The following LMCD1 variants were observed in gnomAD, a reference collection of about 807,000 sequenced individuals.
LMCD1 encodes LIM and cysteine-rich domains protein 1.
LMCD1 carries 32 observed loss-of-function variants against 42.7 expected under a neutral mutation model. That is an observed-to-expected ratio of 0.75 (90% CI 0.57 to 1.01). The LOEUF (loss-of-function observed/expected upper bound fraction) is 1.01. LMCD1 is among the 50% of genes least tolerant of loss of function. The pLI, the probability that LMCD1 is intolerant of heterozygous loss-of-function variation, is 0.00. For missense variants in LMCD1, 458 were observed against 483.1 expected (o/e 0.95, Z 0.49); for synonymous variants, 178 against 184.9 (o/e 0.96, Z 0.30).
At chr3:8,519,748 A>G (rs1424842984) in intron 1 of LMCD1, among the ~76,000 whole-genome samples, 2 of 151,510 alleles carry the variant, frequency 1.3e-5, no homozygotes, top group African/African-American at 4.9e-5. Context: ...TAGCAAAAAA[A>G]AAAAAAGAAA....
chr3:8,524,978 C>T (rs898296585), intron 1 of LMCD1, among the ~76,000 whole-genome samples: 1 of 152,092 alleles, frequency 6.6e-6, no homozygotes, highest in Non-Finnish European at 1.5e-5. Flanking sequence ...GGCCACCGAG[C>T]CTAGCCCAAA....
rs768387058 is a variant in LMCD1 at position 8,568,307 on chromosome 3, A to G, written c.*709A>G. 1.3e-4 allele frequency: 20 copies of G among 152,184 alleles called. No individual in the cohort carries two copies. Among genetic ancestry groups the G allele is most frequent in the Admixed American group, 8.5e-4 (13 of 15,278 alleles). 9.4% of individuals were successfully genotyped at this position (152,184 alleles called of 1,614,324 possible). ...TATTCCAGATACTCCCAGATCACTA[A>G]TGTAACAAAGGTATCATGTTTTATG... On this transcript the variant is annotated 3_prime_UTR_variant, in exon 6 of 6. Coordinates refer to ENST00000157600, the MANE Select transcript of LMCD1 (RefSeq NM_014583.4).
intron 1 of LMCD1, among the ~76,000 whole-genome samples, chr3:8,509,439 A>G (rs1693951424): frequency 6.6e-6 from 1 of 152,080 alleles, no homozygotes; most frequent in Admixed American, 6.5e-5. Flanking sequence ...CTTTCCCTCC[A>G]ATGTCTTGCT....
intron 2 of LMCD1, among the ~76,000 whole-genome samples, chr3:8,534,311 T>C (rs1694472152): frequency 6.6e-6 from 1 of 152,112 alleles, no homozygotes; most frequent in Non-Finnish European, 1.5e-5. Context: ...TTTTTTCTGG[T>C]TTTCCAGTTG....
intron 1 of LMCD1, among the ~76,000 whole-genome samples, chr3:8,521,715 T>A (rs73130041): frequency 0.046 from 7,059 of 152,274 alleles, 290 homozygotes; most frequent in African/African-American, 0.1. Flanking sequence ...GGGCAGATAG[T>A]CTCCTATCTT....
At chr3:8,539,251 G>A (rs1342558501) in intron 3 of LMCD1, among the ~76,000 whole-genome samples, 1 of 152,168 alleles carries the variant, frequency 6.6e-6, no homozygotes, top group Non-Finnish European at 1.5e-5. Flanking sequence ...AAAATGAAAA[G>A]AGACTAAGAT....
At chr3:8,532,264 A>G (rs1325430544) in intron 1 of LMCD1, among the ~76,000 whole-genome samples, 1 of 152,250 alleles carries the variant, frequency 6.6e-6, no homozygotes, top group Non-Finnish European at 1.5e-5. Context: ...GCTTCAAGCT[A>G]TAAACATTTG....
chr3:8,520,319 A>G (rs1169444213), intron 1 of LMCD1, among the ~76,000 whole-genome samples: 1 of 152,168 alleles, frequency 6.6e-6, no homozygotes, highest in Non-Finnish European at 1.5e-5. Flanking sequence ...AAAACTAGGG[A>G]GGTATAATAA....
chr3:8,536,566 C>T (rs184292184), intron 2 of LMCD1, among the ~76,000 whole-genome samples: 7 of 152,302 alleles, frequency 4.6e-5, no homozygotes, highest in Admixed American at 1.3e-4. Context: ...TGCATTCTAA[C>T]GGCAGTATTT....
intron 1 of LMCD1, among the ~76,000 whole-genome samples, chr3:8,526,409 A>T (rs1465429427): frequency 6.6e-6 from 1 of 152,168 alleles, no homozygotes; most frequent in Non-Finnish European, 1.5e-5. Context: ...ACTTAACTAG[A>T]GATACTGGAT....
intron 4 of LMCD1, 112 bp downstream of exon 4, chr3:8,549,015 T>C (rs916751142): frequency 2.5e-6 from 2 of 792,176 alleles, no homozygotes; most frequent in African/African-American, 3.5e-5. Context: ...ATTCATGAAT[T>C]TGTGCATTCA....
At chr3:8,505,917 T>C (rs3774223) in intron 1 of LMCD1, among the ~76,000 whole-genome samples, 61,428 of 152,160 alleles carry the variant, frequency 0.4, 13,240 homozygotes, top group Non-Finnish European at 0.49. Flanking sequence ...GCTCTCTCAA[T>C]CTTAAAAACA....
At chr3:8,541,316 G>A (rs960882970) in intron 3 of LMCD1, among the ~76,000 whole-genome samples, 6 of 152,266 alleles carry the variant, frequency 3.9e-5, no homozygotes, top group South Asian at 2.1e-4. Context: ...TTGGGAAGCC[G>A]AGGCAGGTGG....
intron 1 of LMCD1, among the ~76,000 whole-genome samples, chr3:8,502,258 G>GTATATAAAATATA (rs1254997677): frequency 2.0e-5 from 1 of 50,054 alleles, no homozygotes; most frequent in Admixed American, 3.1e-4. Flanking sequence ...TATATAAAAT[G>GTATATAAAATATA]TATATAAAAT....
At chr3:8,503,208 A>AG (rs1270203661) in intron 1 of LMCD1, among the ~76,000 whole-genome samples, 1 of 152,160 alleles carries the variant, frequency 6.6e-6, no homozygotes, top group Non-Finnish European at 1.5e-5. Flanking sequence ...GTAGAATGAG[A>AG]GGGGGAAAAA....
At chr3:8,516,666 A>G (rs527697966) in intron 1 of LMCD1, among the ~76,000 whole-genome samples, 1 of 152,354 alleles carries the variant, frequency 6.6e-6, no homozygotes, top group African/African-American at 2.4e-5. Context: ...CATGTTGACC[A>G]CAACACTCTT....
chr3:8,525,611 G>T (rs1694284594), intron 1 of LMCD1, among the ~76,000 whole-genome samples: 1 of 152,184 alleles, frequency 6.6e-6, no homozygotes, highest in East Asian at 1.9e-4. Flanking sequence ...TTGTATGGAA[G>T]TTCTACTTTT....
chr3:8,513,036 T>G (rs1025570350), intron 1 of LMCD1, among the ~76,000 whole-genome samples: 8 of 152,198 alleles, frequency 5.3e-5, no homozygotes, highest in Non-Finnish European at 1.2e-4. Flanking sequence ...TGAGGAACAC[T>G]CACACCTCCT....
At chr3:8,516,793 T>C (rs1272400127) in intron 1 of LMCD1, among the ~76,000 whole-genome samples, 1 of 152,170 alleles carries the variant, frequency 6.6e-6, no homozygotes, top group African/African-American at 2.4e-5. Context: ...AGTTTGCTAG[T>C]AAGAAAAATG....
Sources: gnomAD v4.1 joint callset for allele counts (sites outside exome capture counted in the v4.1 genomes callset) on GRCh38, gnomAD v4.1.1 for gene constraint, MANE v1.5 for transcripts, NCBI Gene and HGNC (gene_info 2026-07-23, HGNC 2026-07-21) for gene names.